COL5A3: variants seen among roughly 807,000 people sequenced by gnomAD.
The protein encoded by COL5A3 is collagen alpha-3(V) chain.
Under a neutral mutation model 250.0 loss-of-function variants are expected in COL5A3, and 172 were observed. That is an observed-to-expected ratio of 0.69 (90% CI 0.61 to 0.78). The LOEUF is 0.78. Among genes scored for constraint, COL5A3 ranks in the 30% least tolerant of loss-of-function variants. COL5A3 has a pLI of 0.00. For synonymous variants in COL5A3, 937 were observed against 900.4 expected, an observed-to-expected ratio of 1.04 and a Z score of -0.73; for missense variants, 2,340 against 2,334.4, an observed-to-expected ratio of 1.00 and a Z score of -0.05.
chr19:9,976,672 G>A, intron 44 of COL5A3, 61 bp from the exon 45 acceptor site: 1 of 1,349,568 alleles, frequency 7.4e-7, no homozygotes, highest in Non-Finnish European at 1.0e-6. Context: ...GAGGGCACTG[G>A]AGCTATCAAT....
intron 10 of COL5A3, 39 bp downstream of exon 10, chr19:9,997,945 A>T (rs1268687751): frequency 1.2e-6 from 2 of 1,611,496 alleles, no homozygotes; most frequent in African/African-American, 1.3e-5. Context: ...CTCAGCTGGA[A>T]GGGAAAGACT....
At chr19:10,002,026 A>T in intron 6 of COL5A3, 145 bp from the exon 7 acceptor site, 1 of 614,620 alleles carries the variant, frequency 1.6e-6, no homozygotes. Context: ...GCCAATGGAG[A>T]CAAAAGTGTG....
intron 19 of COL5A3, 25 bp downstream of exon 19, chr19:9,993,355 G>A (rs1194120967): frequency 6.2e-7 from 1 of 1,612,912 alleles, no homozygotes; most frequent in East Asian, 2.2e-5. Context: ...TTCCAAACCA[G>A]GCCCTAACTC....
chr19:9,976,484 T>C, intron 45 of COL5A3, 74 bp downstream of exon 45: 1 of 1,149,576 alleles, frequency 8.7e-7, no homozygotes, highest in Non-Finnish European at 1.2e-6. Context: ...GTCAGTGTGC[T>C]TCCACTGTCG....
rs1383434084 is a variant in COL5A3, at chr19:9,966,762, G to A, written c.4459-16C>T. On this transcript the variant is annotated splice_polypyrimidine_tract_variant and intron_variant, in intron 62 of 66. Transcript: ENST00000264828. The stretch of plus-strand genomic sequence containing the variant: ...CAGGGGCACCCTGGGCGTAGGGGAT[G>A]GGGACGGAGAAGAGAGGGGAGATGG... The A allele has an allele frequency of 2.6e-6, 4 of 1,527,284 alleles. No homozygotes were observed. Among genetic ancestry groups the A allele is most frequent in the Non-Finnish European group, 1.8e-6 (2 of 1,140,790 alleles). 94.6% of individuals were successfully genotyped at this position (1,527,284 alleles called of 1,614,324 possible). A position where few individuals can be genotyped will look rare whatever the true frequency, so the allele number is the denominator to read the frequency against.
chr19:9,992,982 C>T (rs758212023), intron 20 of COL5A3, 41 bp downstream of exon 20: 1 of 1,611,402 alleles, frequency 6.2e-7, no homozygotes, highest in East Asian at 2.2e-5. Context: ...TGACTCCCTC[C>T]CCTGCACCAA....
intron 51 of COL5A3, among the ~76,000 whole-genome samples, chr19:9,972,020 C>T (rs146731921): frequency 6.6e-6 from 1 of 152,226 alleles, no homozygotes; most frequent in Admixed American, 6.5e-5. Flanking sequence ...ATTCACTCAT[C>T]TCTTCAGTCA....
chr19:9,996,294 C>A, intron 13 of COL5A3, 32 bp from the exon 14 acceptor site: 2 of 1,551,302 alleles, frequency 1.3e-6, no homozygotes, highest in Non-Finnish European at 1.7e-6. Context: ...AGCTTGGGGC[C>A]TCCCACAAGA....
Position 9,969,615 on chromosome 19 carries a change from C to T in COL5A3, c.4058G>A (p.Arg1353His), listed in dbSNP as rs771836964. Residue 1353 changes from arginine (R) to histidine (H), a missense_variant, in exon 56 of 67, where the codon CGT becomes CAT. Arg to His is a conservative substitution (Grantham distance 29). Transcript: ENST00000264828. ...CCCTCGAAGACCCTCAGGCCCCACA[C>T]GTCCAGGGGGCCCTCTAGCCCCCAT... ...GPMGARGPPG[R>H]VGPEGLRGIP... 21 of 1,602,922 alleles carry T rather than the reference C, an allele frequency of 1.3e-5. No homozygotes were observed. Among genetic ancestry groups the T allele is most frequent in the Non-Finnish European group, 1.7e-5 (20 of 1,177,108 alleles).
At chr19:9,987,582 C>T (rs1188174670) in intron 27 of COL5A3, among the ~76,000 whole-genome samples, 1 of 147,778 alleles carries the variant, frequency 6.8e-6, no homozygotes, top group Non-Finnish European at 1.5e-5. Context: ...ACAAAAAGTA[C>T]AAAAAAAAAA....
At chr19:10,006,818 A>T (rs2087450987) in intron 1 of COL5A3, among the ~76,000 whole-genome samples, 1 of 147,888 alleles carries the variant, frequency 6.8e-6, no homozygotes, top group African/African-American at 2.5e-5. Context: ...TGACCTTCTG[A>T]TCTTCTTCTG....
chr19:9,969,676 G>A lies in COL5A3; in HGVS notation c.3997C>T (p.Pro1333Ser). The A allele has an allele frequency of 6.3e-7, 1 of 1,587,436 alleles. No individual in the cohort carries two copies. Among genetic ancestry groups the A allele is most frequent in the Non-Finnish European group, 8.5e-7 (1 of 1,172,662 alleles). The change falls in exon 56 of 67, where the codon CCA becomes TCA. Residue 1333 changes from proline to serine, a missense_variant. By Grantham distance (74) the Pro-to-Ser change is moderately conservative. Coordinates refer to ENST00000264828, the MANE Select transcript of COL5A3 (RefSeq NM_015719.4). ...CTCCCTGGGGGCCCATCAGGACCTG[G>A]CTCCCCCTGAAATGGACACAGGCAA... ...REGEKGAKGE[P>S]GPDGPPGRTG...
rs767810974 is a variant in COL5A3, at chr19:9,982,046, A to C, written c.2460+19T>G. 1 of 1,599,580 alleles carries C rather than the reference A, an allele frequency of 6.3e-7. No individual in the cohort carries two copies. The highest frequency in any genetic ancestry group is 1.1e-5 in the South Asian group (1 of 90,600). The stretch of plus-strand genomic sequence containing the variant: ...TCAGACAAGTTCTCCCCTCTCCCTT[A>C]CCCCCGGTCATGACTCACCGACTTC... On this transcript the variant is annotated intron_variant, in intron 32 of 66. Transcript: ENST00000264828.
At chr19:9,966,124 G>C (rs755692826) in intron 64 of COL5A3, among the ~76,000 whole-genome samples, 190 bp downstream of exon 64, 15 of 152,198 alleles carry the variant, frequency 9.9e-5, no homozygotes, top group Non-Finnish European at 1.9e-4. Context: ...GTGCCACCAG[G>C]CTGGCCTGAT....
At chr19:9,971,108 G>T in intron 52 of COL5A3, 80 bp from the exon 53 acceptor site, 1 of 1,419,336 alleles carries the variant, frequency 7.0e-7, no homozygotes, top group Non-Finnish European at 9.4e-7. Flanking sequence ...GCAAAAGAAC[G>T]TTTTTGGTTC....
chr19:10,003,520 A>C, intron 6 of COL5A3, 45 bp downstream of exon 6: 2 of 1,598,002 alleles, frequency 1.3e-6, no homozygotes, highest in South Asian at 2.2e-5. Flanking sequence ...CAAGACCGGA[A>C]GTCAGGTGGT....
intron 1 of COL5A3, among the ~76,000 whole-genome samples, chr19:10,007,262 C>A (rs1019641779): frequency 1.3e-5 from 2 of 152,154 alleles, no homozygotes; most frequent in Admixed American, 1.3e-4. Flanking sequence ...TGACTACCCC[C>A]TGACCTTCTC....
At chr19:9,983,382 C>A (rs1481859472) in intron 31 of COL5A3, among the ~76,000 whole-genome samples, 2 of 151,728 alleles carry the variant, frequency 1.3e-5, no homozygotes, top group South Asian at 2.1e-4. Context: ...CTGTTGTTCC[C>A]AGCTACTCAG....
intron 50 of COL5A3, 54 bp from the exon 51 acceptor site, chr19:9,973,080 G>T: frequency 6.8e-7 from 1 of 1,468,452 alleles, no homozygotes; most frequent in Non-Finnish European, 9.3e-7. Flanking sequence ...AGGGATCAAG[G>T]ATTAGCATAC....
Sources: gnomAD v4.1 joint callset for allele counts (sites outside exome capture counted in the v4.1 genomes callset) on GRCh38, gnomAD v4.1.1 for gene constraint, MANE v1.5 for transcripts, NCBI Gene and HGNC (gene_info 2026-07-23, HGNC 2026-07-21) for gene names.